The following SYNDIG1L variants were observed in gnomAD, a reference collection of about 807,000 sequenced individuals.
SYNDIG1L encodes synapse differentiation-inducing gene protein 1-like.
Under a neutral mutation model 20.1 loss-of-function variants are expected in SYNDIG1L, and 13 were observed. The observed-to-expected ratio is 0.65, with a 90% CI of 0.42 to 1.03. SYNDIG1L has a LOEUF of 1.03. Among genes scored for constraint, SYNDIG1L ranks in the 50% least tolerant of loss-of-function variants. The pLI, the probability that SYNDIG1L is intolerant of heterozygous loss-of-function variation, is 0.00. For missense variants in SYNDIG1L, 294 were observed against 305.1 expected, an observed-to-expected ratio of 0.96 and a Z score of 0.27; for synonymous variants, 128 against 129.3, an observed-to-expected ratio of 0.99 and a Z score of 0.07.
At chr14:74,412,876 A>G (rs2086143124) in intron 1 of SYNDIG1L, among the ~76,000 whole-genome samples, 1 of 152,104 alleles carries the variant, frequency 6.6e-6, no homozygotes, top group Non-Finnish European at 1.5e-5. Flanking sequence ...TGTCCCTTCA[A>G]CCTGCAGCCT....
the SYNDIG1L span, among the ~76,000 whole-genome samples, chr14:74,475,812 CCGCCCT>C: frequency 7.2e-5 from 11 of 152,154 alleles, no homozygotes; most frequent in African/African-American, 2.4e-4. Flanking sequence ...GAGATTTTCC[CCGCCCT>C]CACAATATGA....
chr14:74,409,377 C>T lies in SYNDIG1L; in HGVS notation c.368G>A (p.Gly123Glu). 1 of 1,609,948 alleles carries T rather than the reference C, an allele frequency of 6.2e-7. No homozygotes were observed. Among genetic ancestry groups the T allele is most frequent in the Non-Finnish European group, 8.5e-7 (1 of 1,178,312 alleles). ...ENVTIQTVSYGVQEELRDQED... is the reference protein window; with the variant it reads ...ENVTIQTVSYEVQEELRDQED... ...CTGGTCCCGCAGCTCCTCTTGTACC[C>T]CATAGGACACAGTCTGGATGGTGAC... Residue 123 changes from glycine to glutamate, a missense_variant, in exon 2 of 4, where the codon GGG becomes GAG. Transcript: ENST00000331628.
At chr14:74,414,775 T>G (rs2086161402) in intron 1 of SYNDIG1L, among the ~76,000 whole-genome samples, 1 of 152,120 alleles carries the variant, frequency 6.6e-6, no homozygotes, top group African/African-American at 2.4e-5. Flanking sequence ...TTCCTGGTAA[T>G]AGAATAACAA....
At chr14:74,464,638 C>T in the SYNDIG1L span, among the ~76,000 whole-genome samples, 1 of 152,248 alleles carries the variant, frequency 6.6e-6, no homozygotes, top group Admixed American at 6.5e-5. Flanking sequence ...GAAGAGATGA[C>T]CCCATGAAAT....
At position 74,406,437 on chromosome 14, in the gene SYNDIG1L, A is replaced by C. The variant is rs2139617509; in HGVS notation, c.*1098T>G. 1 of 210,840 alleles carries C rather than the reference A, an allele frequency of 4.7e-6. No homozygotes were observed. The highest frequency in any genetic ancestry group is 2.3e-5 in the African/African-American group (1 of 43,890). 13.1% of individuals were successfully genotyped at this position (210,840 alleles called of 1,614,324 possible). On this transcript the variant is annotated 3_prime_UTR_variant, in exon 4 of 4. Transcript: ENST00000331628. ...GCTTCCCATGGAAGGTTCCTGCCAC[A>C]TCCCTGCCTACAAATACAAAGAGTT...
chr14:74,415,219 G>T (rs1019629880), intron 1 of SYNDIG1L, among the ~76,000 whole-genome samples: 20 of 152,198 alleles, frequency 1.3e-4, no homozygotes, highest in Non-Finnish European at 2.8e-4. Flanking sequence ...CTTTGAATCA[G>T]CTCCACCCCT....
the SYNDIG1L span, among the ~76,000 whole-genome samples, chr14:74,453,265 A>C: frequency 1.3e-5 from 2 of 148,390 alleles, no homozygotes; most frequent in Non-Finnish European, 3.0e-5. Context: ...AGGTAGGAGA[A>C]TCACTTGAAC....
At chr14:74,424,572 G>T (rs1198245529) in intron 1 of SYNDIG1L, among the ~76,000 whole-genome samples, 1 of 152,136 alleles carries the variant, frequency 6.6e-6, no homozygotes, top group Non-Finnish European at 1.5e-5. Context: ...TCTCCTATAG[G>T]TGATGATGGA....
chr14:74,454,215 T>C, the SYNDIG1L span, among the ~76,000 whole-genome samples: 1 of 152,076 alleles, frequency 6.6e-6, no homozygotes, highest in Non-Finnish European at 1.5e-5. Flanking sequence ...ATTACCTTCA[T>C]GATTTTTGTC....
intron 1 of SYNDIG1L, among the ~76,000 whole-genome samples, chr14:74,422,261 A>C (rs1476222199): frequency 6.6e-6 from 1 of 152,046 alleles, no homozygotes; most frequent in Non-Finnish European, 1.5e-5. Flanking sequence ...GAGAAGAGAG[A>C]ATAAGGCAGG....
chr14:74,407,803 T>A, intron 3 of SYNDIG1L, 46 bp downstream of exon 3: 1 of 1,591,788 alleles, frequency 6.3e-7, no homozygotes, highest in South Asian at 1.1e-5. Context: ...AGCCCTCCAG[T>A]AGAGTGACGG....
In SYNDIG1L at chr14:74,409,813, G is replaced by A. The variant is rs551364855; in HGVS notation, c.-57-12C>T. The stretch of plus-strand genomic sequence containing the variant: ...GCAGTCCTCAGAGCCTGTCAGAAGA[G>A]CAAGACAGACAAGCACTGAGGCCAG... On this transcript the variant is annotated splice_polypyrimidine_tract_variant and intron_variant, in intron 1 of 3. Coordinates refer to ENST00000331628, the MANE Select transcript of SYNDIG1L (RefSeq NM_001105579.2). The A allele has an allele frequency of 3.9e-5, 53 of 1,371,542 alleles. No homozygotes were observed. The South Asian group carries it at 6.4e-4, about 17-fold the overall frequency. 85.0% of individuals were successfully genotyped at this position (1,371,542 alleles called of 1,614,324 possible). A position where few individuals can be genotyped will look rare whatever the true frequency, so the allele number is the denominator to read the frequency against.
chr14:74,409,476 C>T lies in SYNDIG1L; in HGVS notation c.269G>A (p.Ser90Asn). 1 of 1,613,490 alleles carries T rather than the reference C, an allele frequency of 6.2e-7. No individual in the cohort carries two copies. Among genetic ancestry groups the T allele is most frequent in the Non-Finnish European group, 8.5e-7 (1 of 1,179,752 alleles). The change falls in exon 2 of 4, where the codon AGC (serine) becomes AAC (asparagine). Residue 90 changes from serine to asparagine, a missense_variant. Coordinates refer to ENST00000331628, the MANE Select transcript of SYNDIG1L (RefSeq NM_001105579.2). ...CTGGGGCTCCCTGTCCTCTGTGAAG[C>T]TTGTCTCACAGCTGCCTGCCCTGGG... The part of the protein sequence containing the change: ...KEPRAGSCET[S>N]FTEDREPQEG...
chr14:74,423,452 G>C (rs550176359), intron 1 of SYNDIG1L, among the ~76,000 whole-genome samples: 1 of 152,330 alleles, frequency 6.6e-6, no homozygotes, highest in South Asian at 2.1e-4. Flanking sequence ...ATTAACTCCA[G>C]AGAGCTGATT....
chr14:74,471,426 G>A, the SYNDIG1L span, among the ~76,000 whole-genome samples: 1 of 151,980 alleles, frequency 6.6e-6, no homozygotes, highest in African/African-American at 2.4e-5. Flanking sequence ...GCAAAACTCC[G>A]TCTCTACAAA....
chr14:74,427,914 C>T (rs1412476270), upstream of SYNDIG1L, among the ~76,000 whole-genome samples: 1 of 152,258 alleles, frequency 6.6e-6, no homozygotes, highest in African/African-American at 2.4e-5. Flanking sequence ...TGCTGCTCCC[C>T]TCCCCACCCT....
At chr14:74,433,663 G>A in the SYNDIG1L span, among the ~76,000 whole-genome samples, 2 of 152,178 alleles carry the variant, frequency 1.3e-5, no homozygotes, top group African/African-American at 4.8e-5. Flanking sequence ...GGGATTACAG[G>A]CGGGAGCCAC....
chr14:74,409,295 G>A, intron 2 of SYNDIG1L, 33 bp downstream of exon 2: 1 of 1,372,498 alleles, frequency 7.3e-7, no homozygotes. Flanking sequence ...TGTTGCTCAT[G>A]CTGGAATCTG....
chr14:74,442,699 A>G, the SYNDIG1L span, among the ~76,000 whole-genome samples: 2 of 152,220 alleles, frequency 1.3e-5, no homozygotes, highest in African/African-American at 4.8e-5. Flanking sequence ...CTAGGAGGCC[A>G]CTACTACGGT....
Sources: gnomAD v4.1 joint callset for allele counts (sites outside exome capture counted in the v4.1 genomes callset) on GRCh38, gnomAD v4.1.1 for gene constraint, MANE v1.5 for transcripts, NCBI Gene and HGNC (gene_info 2026-07-23, HGNC 2026-07-21) for gene names.